The following RARB variants were observed in gnomAD, a reference collection of about 807,000 sequenced individuals.
RARB encodes retinoic acid receptor beta.
A neutral mutation model predicts 51.9 loss-of-function variants in RARB; 17 were observed. The ratio of observed to expected loss-of-function variants is 0.33; its 90% confidence interval spans 0.22 to 0.49. The LOEUF is 0.49. Ranked by LOEUF, RARB falls within the 20% of genes least tolerant of loss-of-function variation. RARB has a pLI of 0.99. For missense variants in RARB, 369 were observed against 550.8 expected, an observed-to-expected ratio of 0.67 and a Z score of 3.30; for synonymous variants, 215 against 195.4, an observed-to-expected ratio of 1.10 and a Z score of -0.84.
chr3:25,187,595 T>G (rs1701007892), intron 5 of RARB, among the ~76,000 whole-genome samples: 1 of 152,076 alleles, frequency 6.6e-6, no homozygotes, highest in Admixed American at 6.6e-5. Flanking sequence ...TAAAAATACT[T>G]TTAATCTTTG....
At chr3:24,845,814 G>A (rs1391653847) in intron 1 of RARB, among the ~76,000 whole-genome samples, 1 of 151,984 alleles carries the variant, frequency 6.6e-6, no homozygotes, top group Non-Finnish European at 1.5e-5. Flanking sequence ...TTTAACAGTT[G>A]CCAGCAATTA....
chr3:25,425,083 A>AAC (rs1357419273), upstream of RARB, among the ~76,000 whole-genome samples: 8 of 152,232 alleles, frequency 5.3e-5, no homozygotes, highest in Admixed American at 5.2e-4. Context: ...TCATTGATCA[A>AAC]ACACAAAGAA....
intron 5 of RARB, among the ~76,000 whole-genome samples, chr3:25,234,262 C>T (rs1702251341): frequency 1.3e-5 from 2 of 152,080 alleles, no homozygotes; most frequent in African/African-American, 4.8e-5. Flanking sequence ...CCAAGTTACA[C>T]ATTTCTTCTT....
At chr3:25,120,244 A>G (rs1352040591) in intron 3 of RARB, among the ~76,000 whole-genome samples, 1 of 152,102 alleles carries the variant, frequency 6.6e-6, no homozygotes, top group Admixed American at 6.6e-5. Context: ...TGACATTTGG[A>G]CTAAACATTG....
intron 3 of RARB, among the ~76,000 whole-genome samples, chr3:25,090,335 C>A (rs180721156): frequency 2.9e-4 from 44 of 152,176 alleles, no homozygotes; most frequent in Admixed American, 2.9e-3. Context: ...TTCTGGTGTT[C>A]GTTCTTTTTT....
chr3:24,969,239 A>G (rs1489612031), intron 2 of RARB, among the ~76,000 whole-genome samples: 1 of 152,118 alleles, frequency 6.6e-6, no homozygotes, highest in Non-Finnish European at 1.5e-5. Context: ...CTATAAAAAG[A>G]ATACAGCAAA....
intron 5 of RARB, among the ~76,000 whole-genome samples, chr3:25,208,660 G>A (rs1701619517): frequency 6.6e-6 from 1 of 151,884 alleles, no homozygotes; most frequent in Non-Finnish European, 1.5e-5. Flanking sequence ...ATTTGGCCCA[G>A]CCCTCTGACC....
At chr3:25,159,226 C>T (rs565920176) in intron 4 of RARB, among the ~76,000 whole-genome samples, 12 of 132,874 alleles carry the variant, frequency 9.0e-5, no homozygotes, top group South Asian at 2.5e-4. Context: ...TGCAATGGCG[C>T]GATCTCGGCT....
chr3:25,554,970 T>G (rs1699998134), intron 3 of RARB, among the ~76,000 whole-genome samples: 1 of 152,196 alleles, frequency 6.6e-6, no homozygotes, highest in Non-Finnish European at 1.5e-5. Flanking sequence ...ATAAATAAGT[T>G]AATCTACTCC....
At chr3:25,064,241 A>G (rs899617778) in intron 3 of RARB, among the ~76,000 whole-genome samples, 41 of 152,256 alleles carry the variant, frequency 2.7e-4, no homozygotes, top group African/African-American at 8.9e-4. Flanking sequence ...TATAATGGCA[A>G]TAGATTTCCA....
chr3:25,075,459 A>T (rs1237273885), intron 3 of RARB, among the ~76,000 whole-genome samples: 1 of 152,182 alleles, frequency 6.6e-6, no homozygotes, highest in Non-Finnish European at 1.5e-5. Flanking sequence ...AGCCTGGGGC[A>T]TTCCTGAGCC....
At chr3:24,949,048 G>T (rs965584222) in intron 2 of RARB, among the ~76,000 whole-genome samples, 5 of 152,190 alleles carry the variant, frequency 3.3e-5, no homozygotes, top group Non-Finnish European at 5.9e-5. Context: ...AAGGTCAAAG[G>T]ACATATTCTG....
intron 5 of RARB, among the ~76,000 whole-genome samples, chr3:25,205,123 G>A (rs1280051512): frequency 6.6e-6 from 1 of 152,156 alleles, no homozygotes; most frequent in African/African-American, 2.4e-5. Context: ...CCTCAGCAAT[G>A]GCGGGTGCCC....
chr3:25,287,444 A>G (rs192965440), intron 5 of RARB, among the ~76,000 whole-genome samples: 2 of 152,236 alleles, frequency 1.3e-5, no homozygotes, highest in Non-Finnish European at 2.9e-5. Flanking sequence ...CTCTCATTCT[A>G]AGGGATGTTG....
rs145760704 is a variant in RARB at position 25,159,705 on chromosome 3, G to C, written c.-279-14414G>C. On this transcript the variant is annotated intron_variant, in intron 4 of 11. Transcript: ENST00000383772. ...TAGAGGTTTTTCTGACAACAAAAAGGGGGGCAGGTCTCAGAATGGGAGTGG... is the reference window on the plus strand; with the variant it reads ...TAGAGGTTTTTCTGACAACAAAAAGCGGGGCAGGTCTCAGAATGGGAGTGG... 6.7e-3 allele frequency among the ~76,000 whole-genome samples: 1,024 copies of C among 152,190 alleles called. 8 individuals are homozygous for C. The highest frequency in any genetic ancestry group is 0.022 in the African/African-American group (919 of 41,518).
intron 2 of RARB, among the ~76,000 whole-genome samples, chr3:24,871,890 C>G (rs1412835364): frequency 6.6e-6 from 1 of 152,096 alleles, no homozygotes; most frequent in African/African-American, 2.4e-5. Flanking sequence ...ATCCTATTAG[C>G]TCTTCTTTCA....
intron 2 of RARB, among the ~76,000 whole-genome samples, chr3:24,960,591 C>A (rs1696118508): frequency 6.6e-6 from 1 of 152,092 alleles, no homozygotes; most frequent in Non-Finnish European, 1.5e-5. Context: ...ATTGTGAACA[C>A]CTTCCAGGTA....
At chr3:25,342,064 T>A (rs1705245689) in intron 5 of RARB, among the ~76,000 whole-genome samples, 1 of 152,180 alleles carries the variant, frequency 6.6e-6, no homozygotes, top group Non-Finnish European at 1.5e-5. Context: ...ACATAGTAGA[T>A]CCTCAATAAA....
At chr3:25,138,760 A>G (rs1408696933) in intron 4 of RARB, among the ~76,000 whole-genome samples, 1 of 151,996 alleles carries the variant, frequency 6.6e-6, no homozygotes, top group African/African-American at 2.4e-5. Context: ...ACTTGACTAA[A>G]TTAATTAACA....
Sources: gnomAD v4.1 joint callset for allele counts (sites outside exome capture counted in the v4.1 genomes callset) on GRCh38, gnomAD v4.1.1 for gene constraint, MANE v1.5 for transcripts, NCBI Gene and HGNC (gene_info 2026-07-23, HGNC 2026-07-21) for gene names.